LMO3: variants seen among roughly 807,000 people sequenced by gnomAD.
The protein encoded by LMO3 is LIM domain only 3.
LMO3 carries 2 observed loss-of-function variants against 15.8 expected under a neutral mutation model. The observed-to-expected ratio is 0.13, with a 90% CI of 0.05 to 0.40. LMO3 has a LOEUF of 0.40. Among genes scored for constraint, LMO3 ranks in the 10% least tolerant of loss-of-function variants. The pLI is 0.99. For missense variants in LMO3, 86 were observed against 182.2 expected (o/e 0.47, Z 3.04); for synonymous variants, 62 against 63.8 (o/e 0.97, Z 0.13).
intron 3 of LMO3, among the ~76,000 whole-genome samples, chr12:16,552,796 A>G (rs921917044): frequency 1.6e-4 from 25 of 152,192 alleles, no homozygotes; most frequent in Middle Eastern, 6.8e-3. Context: ...GGCTTTAAGT[A>G]TATTTTCTTT....
Position 16,550,095 on chromosome 12 carries a change from A to G in LMO3, c.*1127T>C, listed in dbSNP as rs1481587337. ...AATCCCTTTGTTTCTCTTCTTCTAG[A>G]AGATTCTATGAGCATTATGTTGCTC... On this transcript the variant is annotated 3_prime_UTR_variant, in exon 4 of 4. Coordinates refer to ENST00000537304, the MANE Select transcript of LMO3 (RefSeq NM_018640.5). 1 of 152,166 alleles carries G rather than the reference A, an allele frequency of 6.6e-6. No homozygotes were observed. The allele number at this position is 152,166 out of a possible 1,614,324, so 9.4% of individuals were successfully genotyped here.
At chr12:16,578,271 C>G (rs535905658) in intron 2 of LMO3, among the ~76,000 whole-genome samples, 2 of 152,240 alleles carry the variant, frequency 1.3e-5, no homozygotes, top group East Asian at 3.9e-4. Flanking sequence ...ATTTTTTCTT[C>G]CAAAGCTTGT....
Position 16,559,975 on chromosome 12 carries a change from A to G in LMO3, c.332+438T>C, listed in dbSNP as rs1942333402. Among the ~76,000 whole-genome samples, 1 of 152,038 alleles carries G rather than the reference A, an allele frequency of 6.6e-6. No individual in the cohort carries two copies. ...ACCTTGTATTTAAAAAAGCAAAAAC[A>G]AAAACATGAGGGATAAGGAATTTAA... On this transcript the variant is annotated intron_variant, in intron 3 of 3. Transcript: ENST00000537304. This position sits in a 1 kb window ranked among gnomAD's most constrained non-coding sequence, Gnocchi z 4.1.
intron 3 of LMO3, among the ~76,000 whole-genome samples, chr12:16,552,814 T>A (rs1942040455): frequency 6.6e-6 from 1 of 152,090 alleles, no homozygotes; most frequent in East Asian, 1.9e-4. Flanking sequence ...TTTGTATTAG[T>A]TGTAACCTGT....
At chr12:16,608,753 G>C (rs566318410), upstream of LMO3, 1 of 152,254 alleles carries the variant, frequency 6.6e-6, no homozygotes, top group South Asian at 2.1e-4. The surrounding 1 kb of genome is among the most constrained non-coding windows in gnomAD (Gnocchi z 4.1). Context: ...GACAGAGAGA[G>C]AGAGAGGAAC....
At chr12:16,595,833 A>G (rs1307569102) in intron 2 of LMO3, among the ~76,000 whole-genome samples, 4 of 151,502 alleles carry the variant, frequency 2.6e-5, no homozygotes, top group Non-Finnish European at 4.4e-5. Flanking sequence ...TCCATTTCAT[A>G]TAAAAGTTTA....
intron 2 of LMO3, among the ~76,000 whole-genome samples, chr12:16,564,042 G>A (rs537416125): frequency 3.9e-5 from 6 of 152,002 alleles, no homozygotes; most frequent in Non-Finnish European, 7.4e-5. Context: ...GACAAGTACC[G>A]GCCATACAAT....
rs1943357565 is a variant in LMO3, at chr12:16,587,503, G to A, written c.206+13152C>T. Among the ~76,000 whole-genome samples the A allele has an allele frequency of 6.6e-6, 1 of 151,942 alleles. No homozygotes were observed. ...TGCCTACTACTAGCAAATAAACTGT[G>A]CCTCTTTTTTAAATAAACCCCTGGC... On this transcript the variant is annotated intron_variant, in intron 2 of 3. Coordinates refer to ENST00000537304, the MANE Select transcript of LMO3 (RefSeq NM_018640.5). This position sits in a 1 kb window ranked among gnomAD's most constrained non-coding sequence, Gnocchi z 4.3.
intron 3 of LMO3, among the ~76,000 whole-genome samples, chr12:16,557,476 G>C (rs1942235515): frequency 6.6e-6 from 1 of 151,628 alleles, no homozygotes; most frequent in South Asian, 2.1e-4. Flanking sequence ...AACTTTCCTG[G>C]AGATCATTAA....
chr12:16,566,492 T>C (rs1408870056), intron 2 of LMO3, among the ~76,000 whole-genome samples: 1 of 152,018 alleles, frequency 6.6e-6, no homozygotes, highest in Non-Finnish European at 1.5e-5. Flanking sequence ...ACAAAATATA[T>C]ATGCATTGAA....
At position 16,550,409 on chromosome 12, in the gene LMO3, G is replaced by GA. The variant is rs1364187469; in HGVS notation, c.*812dup. On this transcript the variant is annotated 3_prime_UTR_variant, in exon 4 of 4. Coordinates refer to ENST00000537304, the MANE Select transcript of LMO3 (RefSeq NM_018640.5). ...ACTAGTTCACATAAGGGGTGTGGCT[G>GA]AAAAAGCAAAACAAAGCCATTGTGT... The GA allele has an allele frequency of 6.6e-6, 1 of 152,216 alleles. No individual in the cohort carries two copies. The highest frequency in any genetic ancestry group is 2.4e-5 in the African/African-American group (1 of 41,372). The allele number at this position is 152,216 out of a possible 1,614,324, so 9.4% of individuals were successfully genotyped here.
At position 16,599,007 on chromosome 12, in the gene LMO3, A is replaced by G. The variant is rs1202789377; in HGVS notation, c.206+1648T>C. On this transcript the variant is annotated intron_variant, in intron 2 of 3. Transcript: ENST00000537304. The surrounding 1 kb of genome is among the most constrained non-coding windows in gnomAD (Gnocchi z 4.1). ...AAATGTAAAAGTCAAAAGGAGTCAA[A>G]AAGCTATGACTATTGGTTAGTACAG... 3.9e-6 allele frequency: 1 copy of G among 256,428 alleles called. No individual in the cohort carries two copies. The highest frequency in any genetic ancestry group is 2.3e-5 in the African/African-American group (1 of 44,260). 15.9% of individuals were successfully genotyped at this position (256,428 alleles called of 1,614,324 possible).
rs1412850304 is a variant in LMO3 at position 16,591,902 on chromosome 12, C to CA, written c.206+8752dup. 2.6e-5 allele frequency among the ~76,000 whole-genome samples: 4 copies of CA among 152,026 alleles called. No homozygotes were observed. Among genetic ancestry groups the CA allele is most frequent in the Non-Finnish European group, 5.9e-5 (4 of 67,966 alleles). ...AGAATATTTTCTAATCTCTCCTGAT[C>CA]ATACCTCTTGTCATTCTCTATATTG... On this transcript the variant is annotated intron_variant, in intron 2 of 3. Transcript: ENST00000537304. The surrounding 1 kb of genome is among the most constrained non-coding windows in gnomAD (Gnocchi z 4.1).
chr12:16,552,216 C>T (rs1224853984), intron 3 of LMO3, among the ~76,000 whole-genome samples: 1 of 151,950 alleles, frequency 6.6e-6, no homozygotes, highest in African/African-American at 2.4e-5. Flanking sequence ...AATAAAGTAA[C>T]TCTGGGGAGA....
intron 2 of LMO3, among the ~76,000 whole-genome samples, chr12:16,564,454 G>A (rs1404166904): frequency 1.3e-5 from 2 of 152,168 alleles, no homozygotes; most frequent in Admixed American, 6.5e-5. Flanking sequence ...ACGTTCCTGC[G>A]GACTGGGGGT....
At chr12:16,607,388 T>C (rs1164389251), upstream of LMO3, 1 of 152,022 alleles carries the variant, frequency 6.6e-6, no homozygotes, top group Non-Finnish European at 1.5e-5. Context: ...TTCTGCACCA[T>C]TACTGCTTTG....
At chr12:16,575,939 G>T (rs752951987) in intron 2 of LMO3, among the ~76,000 whole-genome samples, 1 of 152,028 alleles carries the variant, frequency 6.6e-6, no homozygotes, top group Non-Finnish European at 1.5e-5. Context: ...ATGAATGTCG[G>T]AACATTTGCA....
At chr12:16,552,856 T>C (rs973995421) in intron 3 of LMO3, among the ~76,000 whole-genome samples, 1 of 152,086 alleles carries the variant, frequency 6.6e-6, no homozygotes, top group South Asian at 2.1e-4. Context: ...AATAATGGTG[T>C]TTGTGCAAGC....
intron 2 of LMO3, among the ~76,000 whole-genome samples, chr12:16,563,377 A>AT (rs1191864111): frequency 6.6e-6 from 1 of 152,106 alleles, no homozygotes; most frequent in Non-Finnish European, 1.5e-5. Flanking sequence ...ATAAAATGGG[A>AT]TTTTCAAATG....
Sources: allele counts gnomAD v4.1 joint callset (sites outside exome capture counted in the v4.1 genomes callset), GRCh38; gene constraint gnomAD v4.1.1; non-coding constraint Gnocchi (gnomAD v3.1); transcripts MANE v1.5; gene names NCBI Gene and HGNC (gene_info 2026-07-23, HGNC 2026-07-21).